SNTG1: variants seen among roughly 807,000 people sequenced by gnomAD.
The protein encoded by SNTG1 is gamma-1-syntrophin.
SNTG1 carries 39 observed loss-of-function variants against 74.7 expected under a neutral mutation model. The observed-to-expected ratio is 0.52, with a 90% CI of 0.40 to 0.68. The LOEUF is 0.68. Ranked by LOEUF, SNTG1 falls within the 30% of genes least tolerant of loss-of-function variation. The probability of loss-of-function intolerance (pLI) is 0.00; values close to 1 mark genes in which losing one functional copy is unlikely to be tolerated. For missense variants in SNTG1, 685 were observed against 609.5 expected, an observed-to-expected ratio of 1.12 and a Z score of -1.30; for synonymous variants, 254 against 217.1, an observed-to-expected ratio of 1.17 and a Z score of -1.49.
chr8:50,310,543 C>G (rs2090069368), intron 2 of SNTG1, among the ~76,000 whole-genome samples: 1 of 152,008 alleles, frequency 6.6e-6, no homozygotes, highest in Non-Finnish European at 1.5e-5. Flanking sequence ...ACAAAATTAG[C>G]CAGGTGTGGT....
chr8:50,100,176 C>T (rs796773216), intron 1 of SNTG1, among the ~76,000 whole-genome samples: 5 of 152,060 alleles, frequency 3.3e-5, no homozygotes, highest in African/African-American at 1.2e-4. Flanking sequence ...AAAGTTAATA[C>T]CACATGTTCT....
intron 4 of SNTG1, among the ~76,000 whole-genome samples, chr8:50,425,499 G>A (rs1187718114): frequency 5.3e-5 from 8 of 152,016 alleles, no homozygotes; most frequent in Admixed American, 2.6e-4. Context: ...ACAAGCTGAG[G>A]GCTCTCACTG....
chr8:50,167,176 G>C (rs369034165), intron 1 of SNTG1, among the ~76,000 whole-genome samples: 17,417 of 144,944 alleles, frequency 0.12, 3,585 homozygotes, highest in African/African-American at 0.43. Flanking sequence ...AATGCTAGAT[G>C]ACACGTTAGT....
At chr8:50,098,124 C>A (rs1258829283) in intron 1 of SNTG1, among the ~76,000 whole-genome samples, 1 of 152,026 alleles carries the variant, frequency 6.6e-6, no homozygotes, top group African/African-American at 2.4e-5. Flanking sequence ...AAAACAGAGA[C>A]ATAAAAATAT....
chr8:50,736,501 A>G (rs1417086721), intron 17 of SNTG1, among the ~76,000 whole-genome samples: 1 of 152,090 alleles, frequency 6.6e-6, no homozygotes, highest in African/African-American at 2.4e-5. Flanking sequence ...CCCCACTGTC[A>G]ATATAAGACC....
intron 13 of SNTG1, among the ~76,000 whole-genome samples, chr8:50,634,955 G>T (rs747146746): frequency 3.3e-5 from 5 of 152,052 alleles, no homozygotes; most frequent in Non-Finnish European, 5.9e-5. Context: ...ATTGACAGCC[G>T]CAGTCTGTAC....
chr8:50,468,882 G>A (rs1306094536), intron 8 of SNTG1, among the ~76,000 whole-genome samples: 2 of 152,098 alleles, frequency 1.3e-5, no homozygotes, highest in African/African-American at 4.8e-5. Flanking sequence ...GCTTCTTCAT[G>A]TGTAGTGCAG....
Position 50,264,453 on chromosome 8 carries a change from C to T in SNTG1, c.-28+91818C>T, listed in dbSNP as rs572579258. On this transcript the variant is annotated intron_variant, in intron 2 of 18. Transcript: ENST00000642720. ...CATGTGGTGGTGCATGCCTGTACTC[C>T]CAGCTACTCAGGGGGTGGAGGTAGG... is the stretch of plus-strand genomic sequence containing the variant. 3.3e-5 allele frequency among the ~76,000 whole-genome samples: 5 copies of T among 151,628 alleles called. No individual in the cohort carries two copies. In the East Asian group the frequency reaches 9.7e-4, roughly 29 times the overall value.
At chr8:50,336,824 C>T (rs906795785) in intron 2 of SNTG1, among the ~76,000 whole-genome samples, 7 of 152,162 alleles carry the variant, frequency 4.6e-5, no homozygotes, top group Admixed American at 2.6e-4. Context: ...AGGCACTGAA[C>T]AGTGAAATAA....
At chr8:50,326,568 T>C (rs1177637197) in intron 2 of SNTG1, among the ~76,000 whole-genome samples, 4 of 151,346 alleles carry the variant, frequency 2.6e-5, no homozygotes, top group Non-Finnish European at 4.4e-5. Context: ...ATTAGTAATT[T>C]GTGTCTTGTC....
intron 2 of SNTG1, among the ~76,000 whole-genome samples, chr8:50,321,592 TCTTC>T (rs1449878075): frequency 6.6e-6 from 1 of 152,018 alleles, no homozygotes; most frequent in Non-Finnish European, 1.5e-5. Context: ...TGTTTTGTGG[TCTTC>T]CTTCCTTCTT....
At chr8:50,442,339 G>A (rs1403784051) in intron 5 of SNTG1, among the ~76,000 whole-genome samples, 1 of 152,036 alleles carries the variant, frequency 6.6e-6, no homozygotes, top group Non-Finnish European at 1.5e-5. Context: ...ACACACATTT[G>A]CACCGGTCCC....
intron 18 of SNTG1, among the ~76,000 whole-genome samples, chr8:50,760,789 C>A (rs1281093789): frequency 6.6e-6 from 1 of 151,962 alleles, no homozygotes; most frequent in Non-Finnish European, 1.5e-5. Context: ...TGGATGAATT[C>A]CTGGACACGT....
intron 1 of SNTG1, among the ~76,000 whole-genome samples, chr8:50,074,796 G>T (rs1163005561): frequency 6.6e-6 from 1 of 152,164 alleles, no homozygotes; most frequent in African/African-American, 2.4e-5. Flanking sequence ...TGCACTGTGG[G>T]AGCCACTCTC....
At chr8:50,086,702 G>A (rs1822921413) in intron 1 of SNTG1, among the ~76,000 whole-genome samples, 1 of 152,142 alleles carries the variant, frequency 6.6e-6, no homozygotes, top group Non-Finnish European at 1.5e-5. Flanking sequence ...TTCATAACTA[G>A]AGACATGGAT....
At chr8:50,042,288 A>C (rs1271830565) in intron 1 of SNTG1, among the ~76,000 whole-genome samples, 2 of 152,116 alleles carry the variant, frequency 1.3e-5, no homozygotes, top group Non-Finnish European at 2.9e-5. Context: ...ACCAATTCCC[A>C]TCCCCACAGC....
At position 50,394,219 on chromosome 8, in the gene SNTG1, C is replaced by A; in HGVS notation, c.-20C>A. On this transcript the variant is annotated 5_prime_UTR_variant, in exon 3 of 19. Coordinates refer to ENST00000642720, the MANE Select transcript of SNTG1 (RefSeq NM_018967.5). ...ATTTCTGTGTCTTTTCAGACGACAT[C>A]CTTTGTGGTGCCACAGCACATGGAT... is the stretch of plus-strand genomic sequence containing the variant. 1 of 1,612,656 alleles carries A rather than the reference C, an allele frequency of 6.2e-7. No individual in the cohort carries two copies.
chr8:50,696,952 T>A lies in SNTG1; in HGVS notation c.1039-7648T>A, dbSNP rs138462734. Reference sequence around the variant, plus strand: ...GGGTCTTTTGGGGTTCCATATCAATTTTAGAATTTATTTTCTAATCTGTGA... The same window carrying A: ...GGGTCTTTTGGGGTTCCATATCAATATTAGAATTTATTTTCTAATCTGTGA... On this transcript the variant is annotated intron_variant, in intron 15 of 18. Transcript: ENST00000642720. Among the ~76,000 whole-genome samples the A allele has an allele frequency of 3.4e-3, 514 of 152,256 alleles. 4 individuals carry two copies. Among genetic ancestry groups the A allele is most frequent in the Admixed American group, 6.5e-3 (100 of 15,292 alleles).
At chr8:50,453,036 G>A (rs1346848338) in intron 8 of SNTG1, among the ~76,000 whole-genome samples, 1 of 152,138 alleles carries the variant, frequency 6.6e-6, no homozygotes, top group African/African-American at 2.4e-5. Context: ...GGGCAGGTAT[G>A]GAAGCATGTT....
Sources: allele counts gnomAD v4.1 joint callset (sites outside exome capture counted in the v4.1 genomes callset), GRCh38; gene constraint gnomAD v4.1.1; transcripts MANE v1.5; gene names NCBI Gene and HGNC (gene_info 2026-07-23, HGNC 2026-07-21).